Variants in CNTNAP2 observed in about 807,000 individuals in gnomAD.
CNTNAP2 encodes contactin-associated protein-like 2.
A neutral mutation model predicts 155.2 loss-of-function variants in CNTNAP2; 98 were observed. The observed-to-expected ratio is 0.63, with a 90% CI of 0.54 to 0.75. CNTNAP2 has a LOEUF of 0.75. Ranked by LOEUF, CNTNAP2 falls within the 30% of genes least tolerant of loss-of-function variation. CNTNAP2 has a pLI of 0.00. For synonymous variants in CNTNAP2, 651 were observed against 631.2 expected, an observed-to-expected ratio of 1.03 and a Z score of -0.47; for missense variants, 1,727 against 1,688.1, an observed-to-expected ratio of 1.02 and a Z score of -0.40.
At chr7:148,196,404 A>C (rs1334309093) in intron 18 of CNTNAP2, among the ~76,000 whole-genome samples, 1 of 152,092 alleles carries the variant, frequency 6.6e-6, no homozygotes, top group Non-Finnish European at 1.5e-5. Flanking sequence ...AACTGGGGGG[A>C]TCTGGGTCCA....
intron 18 of CNTNAP2, among the ~76,000 whole-genome samples, chr7:148,185,954 G>T (rs1394550462): frequency 6.6e-6 from 1 of 152,144 alleles, no homozygotes; most frequent in Non-Finnish European, 1.5e-5. Flanking sequence ...ACCACCTGAG[G>T]TTATGACAAA....
chr7:147,607,182 TC>T (rs1229364789), intron 12 of CNTNAP2, among the ~76,000 whole-genome samples: 1 of 152,060 alleles, frequency 6.6e-6, no homozygotes. Flanking sequence ...ATTAAATACT[TC>T]CAGGGACTGA....
chr7:148,172,405 A>C lies in CNTNAP2; in HGVS notation c.2937A>C (p.Lys979Asn). 2 of 1,614,176 alleles carry C rather than the reference A, an allele frequency of 1.2e-6. No individual in the cohort carries two copies. The highest frequency in any genetic ancestry group is 1.7e-6 in the Non-Finnish European group (2 of 1,180,044). The stretch of plus-strand genomic sequence containing the variant: ...GAACAAACTGTGAAAATGGAGGCAA[A>C]TGCCTAGAGAGATACCACGGTTACT... ...SYGTNCENGG[K>N]CLERYHGYSC... The change falls in exon 18 of 24, where the codon AAA becomes AAC. Residue 979 changes from lysine to asparagine, a missense_variant. Coordinates refer to ENST00000361727, the MANE Select transcript of CNTNAP2 (RefSeq NM_014141.6).
At chr7:147,392,188 C>T (rs1796730589) in intron 9 of CNTNAP2, among the ~76,000 whole-genome samples, 1 of 152,032 alleles carries the variant, frequency 6.6e-6, no homozygotes, top group Admixed American at 6.6e-5. Context: ...TCCTTTAAGT[C>T]ATTACAGCTC....
chr7:146,923,894 AG>A (rs936959604), intron 3 of CNTNAP2, among the ~76,000 whole-genome samples: 4 of 152,134 alleles, frequency 2.6e-5, no homozygotes, highest in Non-Finnish European at 5.9e-5. Flanking sequence ...GACCTATCCC[AG>A]ACTTACTGAG....
intron 1 of CNTNAP2, among the ~76,000 whole-genome samples, chr7:146,218,339 C>G (rs1390390986): frequency 6.6e-6 from 1 of 152,122 alleles, no homozygotes; most frequent in African/African-American, 2.4e-5. Flanking sequence ...GAAACCCCGT[C>G]TCTACTAAAA....
At chr7:147,458,623 C>T (rs2116582670) in intron 10 of CNTNAP2, among the ~76,000 whole-genome samples, 1 of 152,292 alleles carries the variant, frequency 6.6e-6, no homozygotes, top group East Asian at 1.9e-4. Flanking sequence ...CTTGGCATGG[C>T]AACCTTTGCA....
intron 1 of CNTNAP2, among the ~76,000 whole-genome samples, chr7:146,637,514 A>G (rs951579593): frequency 1.3e-5 from 2 of 152,188 alleles, no homozygotes; most frequent in Non-Finnish European, 2.9e-5. Flanking sequence ...TTCAATAGTT[A>G]TGTGCTTTTC....
rs753699122 is a variant in CNTNAP2, at chr7:147,562,217, C to T, written c.1857C>T (p.Ser619=). 15 of 1,613,814 alleles carry T rather than the reference C, an allele frequency of 9.3e-6. No individual in the cohort carries two copies. In the East Asian group the frequency reaches 1.1e-4, roughly 12 times the overall value. Residue 619 remains serine (S), a synonymous_variant, in exon 12 of 24, where the codon AGC becomes AGT. Coordinates refer to ENST00000361727, the MANE Select transcript of CNTNAP2 (RefSeq NM_014141.6). ...SNYYWIDPDG[S]GPLGPLKVYC... is the part of the protein sequence containing the mutation. ...ATTACTGGATAGATCCTGATGGCAG[C>T]GGACCTCTGGGGCCTCTGAAAGTTT...
intron 1 of CNTNAP2, among the ~76,000 whole-genome samples, chr7:146,738,979 G>A (rs1178361259): frequency 6.6e-6 from 1 of 151,556 alleles, no homozygotes; most frequent in Non-Finnish European, 1.5e-5. Flanking sequence ...TGTTGCATCA[G>A]TTATAACGTC....
chr7:147,044,019 T>C lies in CNTNAP2; in HGVS notation c.515T>C (p.Ile172Thr), dbSNP rs201326295. The change falls in exon 4 of 24, where the codon ATT (isoleucine) becomes ACT (threonine). Residue 172 changes from isoleucine (I) to threonine (T), a missense_variant. Transcript: ENST00000361727. Reference sequence around the variant, plus strand: ...CTGGATTGGAATGGAGAAGGTCGCATTGGACTCAGAATTGAAGTTTATGGC... The same window carrying C: ...CTGGATTGGAATGGAGAAGGTCGCACTGGACTCAGAATTGAAGTTTATGGC... ...VPLDWNGEGR[I>T]GLRIEVYGCS... 199 of 1,614,182 alleles carry C rather than the reference T, an allele frequency of 1.2e-4. 2 individuals are homozygous for C. In the East Asian group the frequency reaches 3.5e-3, roughly 29 times the overall value.
At chr7:146,768,068 A>T (rs35454921) in intron 1 of CNTNAP2, among the ~76,000 whole-genome samples, 16,360 of 152,118 alleles carry the variant, frequency 0.11, 1,065 homozygotes, top group African/African-American at 0.19. Context: ...TGTACTTTCC[A>T]CATATTATTA....
intron 1 of CNTNAP2, among the ~76,000 whole-genome samples, chr7:146,130,052 T>C (rs939425828): frequency 2.0e-4 from 30 of 152,210 alleles, no homozygotes; most frequent in Non-Finnish European, 1.3e-4. Context: ...AGATATTTAG[T>C]GGTTTTGGAA....
intron 3 of CNTNAP2, among the ~76,000 whole-genome samples, chr7:146,956,423 G>A (rs1797437611): frequency 1.3e-5 from 2 of 152,128 alleles, no homozygotes; most frequent in Non-Finnish European, 2.9e-5. Flanking sequence ...TTGAATCTGA[G>A]CATGTCCTGT....
At chr7:148,218,858 T>C (rs2116759642) in intron 19 of CNTNAP2, among the ~76,000 whole-genome samples, 1 of 151,168 alleles carries the variant, frequency 6.6e-6, no homozygotes, top group Admixed American at 6.6e-5. Context: ...AGCCCTGGAG[T>C]GTACAAACTT....
intron 3 of CNTNAP2, among the ~76,000 whole-genome samples, chr7:147,003,850 G>T (rs1379229984): frequency 6.6e-6 from 1 of 151,822 alleles, no homozygotes. Context: ...CTAATATAGT[G>T]AGCCCCCATA....
chr7:147,984,221 T>G (rs1585062034), intron 15 of CNTNAP2, among the ~76,000 whole-genome samples: 1 of 152,286 alleles, frequency 6.6e-6, no homozygotes, highest in Admixed American at 6.5e-5. Flanking sequence ...TTTAGCCGGC[T>G]TCTTTACTGC....
chr7:147,229,459 AAAGT>A (rs112703067), intron 8 of CNTNAP2, among the ~76,000 whole-genome samples: 13,358 of 152,302 alleles, frequency 0.088, 607 homozygotes, highest in Middle Eastern at 0.099. Flanking sequence ...TGACAAAAAG[AAAGT>A]GTTTACACAA....
intron 9 of CNTNAP2, among the ~76,000 whole-genome samples, chr7:147,327,422 T>C (rs1002978370): frequency 5.3e-5 from 8 of 152,202 alleles, no homozygotes; most frequent in African/African-American, 1.9e-4. Flanking sequence ...TGCCTGCATT[T>C]CATTGGCATT....
Sources: gnomAD v4.1 joint callset for allele counts (sites outside exome capture counted in the v4.1 genomes callset) on GRCh38, gnomAD v4.1.1 for gene constraint, MANE v1.5 for transcripts, NCBI Gene and HGNC (gene_info 2026-07-23, HGNC 2026-07-21) for gene names.